VSTM2A: variants seen among roughly 807,000 people sequenced by gnomAD.
The protein encoded by VSTM2A is V-set and transmembrane domain-containing protein 2A.
In VSTM2A, 13 loss-of-function variants were observed where a neutral mutation model predicts 27.3. The ratio of observed to expected loss-of-function variants is 0.48; its 90% CI spans 0.31 to 0.76. The LOEUF (loss-of-function observed/expected upper bound fraction) is 0.76. VSTM2A is among the 30% of genes least tolerant of loss of function. The pLI is 0.05. For synonymous variants in VSTM2A, 142 were observed against 125.7 expected (o/e 1.13, Z -0.87); for missense variants, 280 against 310.0 (o/e 0.90, Z 0.73).
intron 4 of VSTM2A, chr7:54,550,468 G>A: frequency 1.6e-6 from 1 of 622,094 alleles, no homozygotes; most frequent in South Asian, 4.2e-5. Flanking sequence ...ATCATGTAAT[G>A]TTGGTTACAT....
chr7:54,546,424 C>G (rs1221549227), intron 2 of VSTM2A, among the ~76,000 whole-genome samples: 1 of 151,922 alleles, frequency 6.6e-6, no homozygotes, highest in Non-Finnish European at 1.5e-5. Context: ...GAATCTGGGG[C>G]CAGGAGCGCG....
intron 4 of VSTM2A, among the ~76,000 whole-genome samples, chr7:54,567,238 T>C (rs1788753125): frequency 6.6e-6 from 1 of 152,240 alleles, no homozygotes; most frequent in Non-Finnish European, 1.5e-5. Context: ...AATATGCTAG[T>C]AAATGCATGT....
At chr7:54,567,831 T>C (rs1788771504) in intron 4 of VSTM2A, among the ~76,000 whole-genome samples, 3 of 152,068 alleles carry the variant, frequency 2.0e-5, no homozygotes, top group Admixed American at 6.6e-5. Context: ...AGAATACGTG[T>C]TTAATTTTGG....
At chr7:54,546,823 G>A (rs901106314) in intron 2 of VSTM2A, 124 bp from the exon 3 acceptor site, 11 of 1,338,920 alleles carry the variant, frequency 8.2e-6, no homozygotes, top group Non-Finnish European at 1.1e-5. Flanking sequence ...CCACGCCCCT[G>A]GTCGCTCCCC....
In VSTM2A at chr7:54,569,275, G is replaced by A. The variant is rs1788820311; in HGVS notation, c.*56G>A. On this transcript the variant is annotated 3_prime_UTR_variant, in exon 5 of 5. Coordinates refer to ENST00000402613, the MANE Select transcript of VSTM2A (RefSeq NM_001301009.2). The stretch of plus-strand genomic sequence containing the variant: ...AGCATAAATGAAGAGGCTATCACAT[G>A]CTTTGTTGATCATATTTTCTTTGGC... 6.5e-7 allele frequency: 1 copy of A among 1,543,754 alleles called. No homozygotes were observed. Among genetic ancestry groups the A allele is most frequent in the Non-Finnish European group, 8.7e-7 (1 of 1,143,496 alleles).
At chr7:54,546,820 C>G (rs1037345839) in intron 2 of VSTM2A, 127 bp from the exon 3 acceptor site, 4 of 1,304,654 alleles carry the variant, frequency 3.1e-6, no homozygotes, top group Non-Finnish European at 3.1e-6. Flanking sequence ...TGGCCACGCC[C>G]CTGGTCGCTC....
intron 4 of VSTM2A, 148 bp downstream of exon 4, chr7:54,550,318 G>A (rs189700859): frequency 8.2e-6 from 12 of 1,466,634 alleles, no homozygotes; most frequent in Non-Finnish European, 1.1e-5. Context: ...GGTGAGCACC[G>A]AGCCTGCACC....
chr7:54,546,749 G>A, intron 2 of VSTM2A, 198 bp from the exon 3 acceptor site: 1 of 563,810 alleles, frequency 1.8e-6, no homozygotes, highest in Non-Finnish European at 3.0e-6. Flanking sequence ...GGTATGCCAG[G>A]GACAGCGTGG....
chr7:54,543,179 C>T (rs1787841035), intron 1 of VSTM2A, among the ~76,000 whole-genome samples: 1 of 152,174 alleles, frequency 6.6e-6, no homozygotes, highest in African/African-American at 2.4e-5. Flanking sequence ...CTCTCCATTG[C>T]CAGTCCCTCT....
rs1170181458 is a variant in VSTM2A, at chr7:54,558,505, A to G, written c.634+8335A>G. ...CATTAAATGAGATAATGGATTTTAA[A>G]AATCTAGGAGAGTAAACCTAGCATG... On this transcript the variant is annotated intron_variant, in intron 4 of 4. Coordinates refer to ENST00000402613, the MANE Select transcript of VSTM2A (RefSeq NM_001301009.2). The G allele has an allele frequency of 3.9e-5, 6 of 152,166 alleles. No individual in the cohort carries two copies. In the East Asian group the frequency reaches 1.2e-3, roughly 29 times the overall value. 9.4% of individuals were successfully genotyped at this position (152,166 alleles called of 1,614,324 possible).
In VSTM2A at chr7:54,547,083, C is replaced by T. The variant is rs1029661588; in HGVS notation, c.297+86C>T. The T allele has an allele frequency of 7.6e-6, 11 of 1,453,714 alleles. No homozygotes were observed. The African/African-American group carries it at 1.5e-4, about 19-fold the overall frequency. The allele number at this position is 1,453,714 out of a possible 1,614,324, so 90.1% of individuals were successfully genotyped here. The stretch of plus-strand genomic sequence containing the variant: ...TCCCCGAGAAGGCGGCTTGCCAGCG[C>T]TGCAGGACAGCCGGACAGCCGGGTG... On this transcript the variant is annotated intron_variant, in intron 3 of 4. Transcript: ENST00000402613.
intron 4 of VSTM2A, among the ~76,000 whole-genome samples, chr7:54,556,545 G>A (rs1415640204): frequency 4.6e-5 from 7 of 152,116 alleles, no homozygotes; most frequent in Non-Finnish European, 8.8e-5. Context: ...AGCCCTTACC[G>A]CTGATTTTTG....
chr7:54,553,982 A>C, intron 4 of VSTM2A: 4 of 1,552,524 alleles, frequency 2.6e-6, no homozygotes, highest in Non-Finnish European at 3.5e-6. Flanking sequence ...TCCCAACGTC[A>C]CACAGAACTG....
At chr7:54,550,206 C>G (rs556207589) in intron 4 of VSTM2A, 36 bp downstream of exon 4, 23 of 1,559,190 alleles carry the variant, frequency 1.5e-5, no homozygotes, top group Non-Finnish European at 2.0e-5. Context: ...TATTTTACCA[C>G]TCACAAACGC....
intron 4 of VSTM2A, chr7:54,551,046 T>C (rs1166210537): frequency 1.3e-5 from 2 of 151,992 alleles, no homozygotes; most frequent in African/African-American, 2.4e-5. Context: ...GAAAATTACA[T>C]TGCTAATATT....
intron 3 of VSTM2A, among the ~76,000 whole-genome samples, chr7:54,549,544 A>G (rs1393207045): frequency 6.6e-6 from 1 of 152,312 alleles, no homozygotes; most frequent in East Asian, 1.9e-4. Context: ...CATGATGGAA[A>G]AATGACGGAG....
At chr7:54,561,256 A>G (rs540557798) in intron 4 of VSTM2A, among the ~76,000 whole-genome samples, 3 of 152,306 alleles carry the variant, frequency 2.0e-5, no homozygotes, top group African/African-American at 7.2e-5. Flanking sequence ...TGTGTTTAGC[A>G]TGTACTTAGA....
At chr7:54,553,795 C>A (rs1282647337) in intron 4 of VSTM2A, 2 of 1,538,676 alleles carry the variant, frequency 1.3e-6, no homozygotes, top group Non-Finnish European at 8.8e-7. Flanking sequence ...GGACTCAACG[C>A]CCCTCCACCA....
intron 4 of VSTM2A, chr7:54,553,769 C>T (rs1788260556): frequency 6.7e-7 from 1 of 1,496,486 alleles, no homozygotes. Flanking sequence ...TTAGGTCCCT[C>T]TTCGCAGAGA....
Sources: allele counts gnomAD v4.1 joint callset (sites outside exome capture counted in the v4.1 genomes callset), GRCh38; gene constraint gnomAD v4.1.1; transcripts MANE v1.5; gene names NCBI Gene and HGNC (gene_info 2026-07-23, HGNC 2026-07-21).